Variants in FANK1 observed in about 807,000 individuals in gnomAD.
FANK1 encodes the protein fibronectin type 3 and ankyrin repeat domains protein 1.
In FANK1, 44 loss-of-function variants were observed where a neutral mutation model predicts 45.3. The observed-to-expected ratio is 0.97, with a 90% CI of 0.76 to 1.25. The LOEUF (loss-of-function observed/expected upper bound fraction) is 1.25. Ranked by LOEUF, FANK1 falls within the 50% of genes most tolerant of loss-of-function variation. The pLI is 0.00. For synonymous variants in FANK1, 149 were observed against 152.5 expected, an observed-to-expected ratio of 0.98 and a Z score of 0.17; for missense variants, 391 against 424.4, an observed-to-expected ratio of 0.92 and a Z score of 0.69.
intron 1 of FANK1, among the ~76,000 whole-genome samples, chr10:125,935,246 T>A (rs1337806794): frequency 6.6e-6 from 1 of 152,220 alleles, no homozygotes; most frequent in East Asian, 1.9e-4. Flanking sequence ...GGGGATTATC[T>A]GATTGTTATC....
intron 4 of FANK1, among the ~76,000 whole-genome samples, chr10:125,996,259 G>C (rs1322757753): frequency 6.6e-6 from 1 of 152,238 alleles, no homozygotes; most frequent in Non-Finnish European, 1.5e-5. Flanking sequence ...GTGTTCACTG[G>C]AGAGTGCTTT....
chr10:125,942,860 C>T (rs1481864980), intron 1 of FANK1, among the ~76,000 whole-genome samples: 2 of 145,880 alleles, frequency 1.4e-5, no homozygotes, highest in African/African-American at 5.1e-5. Context: ...GTCACCCAGG[C>T]TAGAGTGCAA....
chr10:125,992,190 C>G (rs1336473532), intron 3 of FANK1, among the ~76,000 whole-genome samples: 2 of 152,216 alleles, frequency 1.3e-5, no homozygotes, highest in Non-Finnish European at 2.9e-5. Flanking sequence ...TCTGTTCACC[C>G]TGGAATTTCC....
chr10:125,988,436 G>T, intron 2 of FANK1, 115 bp from the exon 3 acceptor site: 4 of 1,376,322 alleles, frequency 2.9e-6, no homozygotes, highest in Non-Finnish European at 4.0e-6. Context: ...AGGATCCATC[G>T]GCTGTGTCCT....
chr10:125,932,868 G>A (rs376005711), intron 1 of FANK1, among the ~76,000 whole-genome samples: 1 of 152,046 alleles, frequency 6.6e-6, no homozygotes, highest in East Asian at 1.9e-4. Flanking sequence ...TATTACATGA[G>A]GTATGTCCCT....
intron 2 of FANK1, among the ~76,000 whole-genome samples, chr10:125,987,410 A>G (rs909612438): frequency 6.6e-6 from 1 of 151,840 alleles, no homozygotes; most frequent in Non-Finnish European, 1.5e-5. Flanking sequence ...GACAGGAAAA[A>G]ACAAAAGGAG....
At chr10:125,905,147 AAAAC>A (rs1490362186) in intron 1 of FANK1, among the ~76,000 whole-genome samples, 20 of 32,620 alleles carry the variant, frequency 6.1e-4, no homozygotes, top group African/African-American at 2.4e-3. Context: ...AAAAAAAAAA[AAAAC>A]AAAAAAAACG....
At chr10:125,949,091 A>G (rs1391748383) in intron 1 of FANK1, among the ~76,000 whole-genome samples, 3 of 151,824 alleles carry the variant, frequency 2.0e-5, no homozygotes, top group African/African-American at 4.8e-5. Context: ...AAAACTCTCA[A>G]TAAATTAGGT....
intron 1 of FANK1, among the ~76,000 whole-genome samples, chr10:125,933,614 G>A (rs1947890723): frequency 6.6e-6 from 1 of 151,734 alleles, no homozygotes; most frequent in South Asian, 2.1e-4. Context: ...CGTCTTTTTT[G>A]TTTGTTTCAA....
At chr10:125,991,432 C>G (rs1050699830) in intron 3 of FANK1, among the ~76,000 whole-genome samples, 2 of 152,130 alleles carry the variant, frequency 1.3e-5, no homozygotes, top group African/African-American at 2.4e-5. Flanking sequence ...GCTCTGTGGG[C>G]TGGCTGCAGC....
chr10:125,956,698 G>A (rs1949598745), intron 1 of FANK1, among the ~76,000 whole-genome samples: 1 of 152,162 alleles, frequency 6.6e-6, no homozygotes, highest in African/African-American at 2.4e-5. Flanking sequence ...TAACCTGTGA[G>A]TGTGTTTATT....
chr10:125,937,450 A>C (rs1948175582), intron 1 of FANK1, among the ~76,000 whole-genome samples: 1 of 152,194 alleles, frequency 6.6e-6, no homozygotes, highest in Admixed American at 6.5e-5. Context: ...CTGCTTCACA[A>C]CTTGTTTTTG....
intron 1 of FANK1, among the ~76,000 whole-genome samples, chr10:125,978,807 C>G (rs35717616): frequency 0.4 from 60,531 of 152,064 alleles, 12,231 homozygotes; most frequent in South Asian, 0.46. Context: ...GGTCTTATCT[C>G]GTGAGGTGCA....
intron 7 of FANK1, among the ~76,000 whole-genome samples, chr10:126,006,810 A>C (rs1271197289): frequency 6.6e-6 from 1 of 152,240 alleles, no homozygotes; most frequent in Non-Finnish European, 1.5e-5. Context: ...CAGTGAGCCA[A>C]GATTGTGCCA....
chr10:125,998,993 G>GA (rs1219442026), intron 6 of FANK1, among the ~76,000 whole-genome samples: 1 of 151,568 alleles, frequency 6.6e-6, no homozygotes, highest in Admixed American at 6.6e-5. Flanking sequence ...TTTGATAGAG[G>GA]AAAAAAAAGC....
intron 3 of FANK1, chr10:125,989,584 G>A: frequency 2.9e-6 from 2 of 687,726 alleles, no homozygotes; most frequent in Non-Finnish European, 5.3e-6. Context: ...GACCTGGCAT[G>A]AGGGGACAGG....
At chr10:125,905,571 A>G (rs527307747) in intron 1 of FANK1, among the ~76,000 whole-genome samples, 3 of 152,356 alleles carry the variant, frequency 2.0e-5, no homozygotes, top group African/African-American at 7.2e-5. Context: ...ACTTTTCATG[A>G]TGAATAGAAC....
At chr10:125,955,617 A>G (rs1949528468) in intron 1 of FANK1, among the ~76,000 whole-genome samples, 1 of 152,088 alleles carries the variant, frequency 6.6e-6, no homozygotes, top group Non-Finnish European at 1.5e-5. Context: ...AGTAGCTGGG[A>G]CTACAGGTGT....
chr10:125,938,574 C>T (rs1330609003), intron 1 of FANK1, among the ~76,000 whole-genome samples: 14 of 152,038 alleles, frequency 9.2e-5, no homozygotes, highest in African/African-American at 2.7e-4. Context: ...TTTGGGAGGC[C>T]GAGGTGGGCG....
Sources: allele counts gnomAD v4.1 joint callset (sites outside exome capture counted in the v4.1 genomes callset), GRCh38; gene constraint gnomAD v4.1.1; transcripts MANE v1.5; gene names NCBI Gene and HGNC (gene_info 2026-07-23, HGNC 2026-07-21).